CLPB: variants seen among roughly 807,000 people sequenced by gnomAD.
CLPB encodes ClpB family mitochondrial disaggregase.
In CLPB, 40 loss-of-function variants were observed where a neutral mutation model predicts 78.4. That is an observed-to-expected ratio of 0.51 (90% confidence interval 0.40 to 0.66). The LOEUF (loss-of-function observed/expected upper bound fraction) is 0.66. Ranked by LOEUF, CLPB falls within the 30% of genes least tolerant of loss-of-function variation. The probability of loss-of-function intolerance (pLI) is 0.00; values close to 1 mark genes in which losing one functional copy is unlikely to be tolerated. For synonymous variants in CLPB, 333 were observed against 348.0 expected, an observed-to-expected ratio of 0.96 and a Z score of 0.48; for missense variants, 780 against 886.9, an observed-to-expected ratio of 0.88 and a Z score of 1.53.
At chr11:72,405,531 A>G (rs1457935254) in intron 2 of CLPB, among the ~76,000 whole-genome samples, 1 of 152,214 alleles carries the variant, frequency 6.6e-6, no homozygotes, top group African/African-American at 2.4e-5. Context: ...AAGGTTTGAC[A>G]GATTCCTGGC....
At chr11:72,306,469 G>A (rs1949747588) in intron 9 of CLPB, among the ~76,000 whole-genome samples, 1 of 152,204 alleles carries the variant, frequency 6.6e-6, no homozygotes, top group Admixed American at 6.5e-5. Context: ...TCAGTGAAAT[G>A]TTTTTGCACT....
Position 72,286,399 on chromosome 11 carries a change from A to C in CLPB, c.*6968T>G, listed in dbSNP as rs530008807. The C allele has an allele frequency of 1.3e-5, 2 of 151,734 alleles. No homozygotes were observed. Among genetic ancestry groups the C allele is most frequent in the South Asian group, 4.2e-4 (2 of 4,784 alleles). The allele number at this position is 151,734 out of a possible 1,614,324, so 9.4% of individuals were successfully genotyped here. A position where few individuals can be genotyped will look rare whatever the true frequency, so the allele number is the denominator to read the frequency against. On this transcript the variant is annotated 3_prime_UTR_variant, in exon 16 of 16. Transcript: ENST00000538039. Reference sequence around the variant, plus strand: ...TGCACTACCATGCCTGGCCTGAAATAACTTTATACTTAAAAGTTGCAAAAA... The same window carrying C: ...TGCACTACCATGCCTGGCCTGAAATCACTTTATACTTAAAAGTTGCAAAAA...
At chr11:72,378,351 T>C (rs1019965155) in intron 4 of CLPB, among the ~76,000 whole-genome samples, 4 of 152,168 alleles carry the variant, frequency 2.6e-5, no homozygotes, top group African/African-American at 7.2e-5. Flanking sequence ...GACTTACAGT[T>C]CCACATGGCC....
chr11:72,362,881 G>A (rs1950866722), intron 4 of CLPB, among the ~76,000 whole-genome samples: 1 of 152,084 alleles, frequency 6.6e-6, no homozygotes. Flanking sequence ...GTGAGGTGGG[G>A]GCAGTGGCTC....
chr11:72,364,893 A>G (rs1950913577), intron 4 of CLPB, among the ~76,000 whole-genome samples: 1 of 152,216 alleles, frequency 6.6e-6, no homozygotes. Context: ...ATCTCACAAG[A>G]GTCAATGGCA....
At chr11:72,433,006 A>T (rs1006571554) in intron 1 of CLPB, among the ~76,000 whole-genome samples, 5 of 151,872 alleles carry the variant, frequency 3.3e-5, no homozygotes, top group Non-Finnish European at 5.9e-5. Context: ...CTCTCTGTCC[A>T]CTCTCTCAGC....
chr11:72,316,862 G>T (rs768789359), intron 7 of CLPB, among the ~76,000 whole-genome samples: 2 of 152,156 alleles, frequency 1.3e-5, no homozygotes. Flanking sequence ...AAGTGATTTA[G>T]GTATTCTGTG....
chr11:72,392,881 T>C (rs1425710389), intron 3 of CLPB, among the ~76,000 whole-genome samples: 3 of 152,224 alleles, frequency 2.0e-5, no homozygotes, highest in Non-Finnish European at 4.4e-5. Flanking sequence ...TGACCATCCA[T>C]TAGTCTGTCT....
At chr11:72,338,895 T>A (rs1232384896) in intron 5 of CLPB, among the ~76,000 whole-genome samples, 1 of 152,196 alleles carries the variant, frequency 6.6e-6, no homozygotes, top group African/African-American at 2.4e-5. Context: ...GTGGACTTCA[T>A]GAGACATCTG....
chr11:72,402,495 G>T (rs1244061926), intron 3 of CLPB, among the ~76,000 whole-genome samples: 1 of 152,096 alleles, frequency 6.6e-6, no homozygotes, highest in African/African-American at 2.4e-5. Context: ...GATGGGGGAG[G>T]GGGCAGGAAA....
intron 5 of CLPB, among the ~76,000 whole-genome samples, chr11:72,330,229 A>G: frequency 6.8e-6 from 1 of 146,146 alleles, no homozygotes; most frequent in East Asian, 2.0e-4. Context: ...TAACAATTAA[A>G]TGGTTCCCCT....
intron 7 of CLPB, among the ~76,000 whole-genome samples, chr11:72,316,375 G>A (rs1164741512): frequency 6.6e-6 from 1 of 152,196 alleles, no homozygotes; most frequent in Non-Finnish European, 1.5e-5. Flanking sequence ...GCCTGGCCTG[G>A]GGTTCCTCTT....
intron 5 of CLPB, among the ~76,000 whole-genome samples, chr11:72,342,736 G>A (rs571103103): frequency 1.4e-4 from 21 of 152,318 alleles, no homozygotes; most frequent in African/African-American, 4.3e-4. Context: ...CAAAGCATCC[G>A]AGCCTGGGGT....
intron 5 of CLPB, among the ~76,000 whole-genome samples, chr11:72,344,208 T>TA (rs975430568): frequency 5.9e-5 from 9 of 152,054 alleles, no homozygotes; most frequent in Admixed American, 2.0e-4. Context: ...TTTTCTACCT[T>TA]AAAAAAACAT....
chr11:72,366,534 C>A (rs1950946186), intron 4 of CLPB, among the ~76,000 whole-genome samples: 1 of 152,016 alleles, frequency 6.6e-6, no homozygotes, highest in South Asian at 2.1e-4. Flanking sequence ...AGCCAAGAAT[C>A]TATAAGGAAC....
In CLPB at chr11:72,434,136, C is replaced by T; in HGVS notation, c.339G>A (p.Leu113=). 1 of 1,612,494 alleles carries T rather than the reference C, an allele frequency of 6.2e-7. No homozygotes were observed. Among genetic ancestry groups the T allele is most frequent in the Non-Finnish European group, 8.5e-7 (1 of 1,180,030 alleles). The stretch of plus-strand genomic sequence containing the variant: ...GCGCTGCGGCCAGGGCGCACATGCC[C>T]AGTCCGGCCCTGCTGGGGACCCCGT... The part of the protein sequence containing the change: ...SWNGVPSRAG[L]GMCALAAALV... Residue 113 remains leucine, a synonymous_variant, in exon 1 of 16, where the codon CTG becomes CTA. Coordinates refer to ENST00000538039, the MANE Select transcript of CLPB (RefSeq NM_001258392.3).
intron 3 of CLPB, among the ~76,000 whole-genome samples, chr11:72,392,518 G>A (rs1191218736): frequency 6.6e-6 from 1 of 152,102 alleles, no homozygotes; most frequent in Non-Finnish European, 1.5e-5. Context: ...AGATTCCTAA[G>A]GAAATGAATT....
At chr11:72,370,812 C>G (rs1951027785) in intron 4 of CLPB, among the ~76,000 whole-genome samples, 1 of 152,180 alleles carries the variant, frequency 6.6e-6, no homozygotes, top group South Asian at 2.1e-4. Flanking sequence ...TCATCGTCAT[C>G]TCATTATCAC....
At chr11:72,295,734 AG>A in intron 11 of CLPB, 86 bp from the exon 12 acceptor site, 1 of 1,345,946 alleles carries the variant, frequency 7.4e-7, no homozygotes, top group East Asian at 2.5e-5. Context: ...CTCCTTCAGG[AG>A]GCCTCCCCAG....
Sources: allele counts gnomAD v4.1 joint callset (sites outside exome capture counted in the v4.1 genomes callset), GRCh38; gene constraint gnomAD v4.1.1; transcripts MANE v1.5; gene names NCBI Gene and HGNC (gene_info 2026-07-23, HGNC 2026-07-21).